Variants in CNIH3 observed in about 807,000 individuals in gnomAD.
CNIH3 encodes protein cornichon homolog 3.
In CNIH3, 14 loss-of-function variants were observed where a neutral mutation model predicts 24.1. That is an observed-to-expected ratio of 0.58 (90% CI 0.38 to 0.91). The LOEUF (loss-of-function observed/expected upper bound fraction) is 0.91. Ranked by LOEUF, CNIH3 falls within the 40% of genes least tolerant of loss-of-function variation. The pLI is 0.00. For synonymous variants in CNIH3, 68 were observed against 73.8 expected (o/e 0.92, Z 0.40); for missense variants, 178 against 196.8 (o/e 0.90, Z 0.57).
At chr1:224,482,982 G>C (rs1459661668) in intron 1 of CNIH3, among the ~76,000 whole-genome samples, 1 of 152,066 alleles carries the variant, frequency 6.6e-6, no homozygotes, top group Non-Finnish European at 1.5e-5. Flanking sequence ...TTGGGCCCTG[G>C]CTGAGTTCTG....
chr1:224,495,195 T>C (rs531978101), intron 1 of CNIH3, among the ~76,000 whole-genome samples: 2 of 152,174 alleles, frequency 1.3e-5, no homozygotes, highest in African/African-American at 2.4e-5. Context: ...AGCCTCCTCA[T>C]GTAAGGACTT....
chr1:224,593,291 A>T (rs1418213814), downstream of CNIH3, among the ~76,000 whole-genome samples: 2 of 151,994 alleles, frequency 1.3e-5, no homozygotes, highest in Admixed American at 6.6e-5. Context: ...AATAGCTGGG[A>T]CCACAGGCAT....
chr1:224,472,962 G>C (rs1285482472), intron 1 of CNIH3, among the ~76,000 whole-genome samples: 2 of 152,116 alleles, frequency 1.3e-5, no homozygotes, highest in African/African-American at 2.4e-5. Context: ...CAAGGAAACT[G>C]TCTTTGCTGG....
At chr1:224,594,481 G>A (rs1432447285) in intron 3 of CNIH3, among the ~76,000 whole-genome samples, 1 of 152,202 alleles carries the variant, frequency 6.6e-6, no homozygotes, top group Non-Finnish European at 1.5e-5. Context: ...CATGGGGCAG[G>A]CTCTGGAAAA....
intron 1 of CNIH3, among the ~76,000 whole-genome samples, chr1:224,517,394 C>T (rs372791925): frequency 9.9e-5 from 15 of 152,168 alleles, no homozygotes; most frequent in African/African-American, 3.4e-4. Context: ...ACAGGGTTTA[C>T]TCACCCGCCT....
intron 4 of CNIH3, among the ~76,000 whole-genome samples, chr1:224,573,924 A>T (rs564165110): frequency 2.6e-4 from 40 of 151,780 alleles, no homozygotes; most frequent in Admixed American, 1.1e-3. Context: ...ATGTTCTTTT[A>T]AAAAAAAGCA....
intron 1 of CNIH3, among the ~76,000 whole-genome samples, chr1:224,469,230 G>A (rs1318883663): frequency 6.6e-6 from 1 of 152,012 alleles, no homozygotes; most frequent in Non-Finnish European, 1.5e-5. Context: ...TCAGGTGCAT[G>A]CCACCATGCC....
intron 3 of CNIH3, among the ~76,000 whole-genome samples, chr1:224,685,477 G>T (rs1686610571): frequency 6.6e-6 from 1 of 152,178 alleles, no homozygotes; most frequent in African/African-American, 2.4e-5. Context: ...GGGGGCCCCT[G>T]TGTCTCTTTC....
intron 1 of CNIH3, among the ~76,000 whole-genome samples, chr1:224,648,631 G>A (rs913665150): frequency 2.6e-5 from 4 of 152,114 alleles, no homozygotes; most frequent in Admixed American, 1.3e-4. Flanking sequence ...ATATTGAGGC[G>A]AGGTTAGAGA....
At chr1:224,712,294 A>G (rs1688197896) in intron 3 of CNIH3, among the ~76,000 whole-genome samples, 1 of 152,132 alleles carries the variant, frequency 6.6e-6, no homozygotes, top group South Asian at 2.1e-4. Context: ...GGGAATTTGC[A>G]TTTTTATTAA....
chr1:224,574,031 G>T (rs1346871535), intron 4 of CNIH3, among the ~76,000 whole-genome samples: 1 of 152,086 alleles, frequency 6.6e-6, no homozygotes, highest in East Asian at 1.9e-4. Context: ...CCAAGGTGTT[G>T]GGATTACACA....
At position 224,524,470 on chromosome 1, in the gene CNIH3, C is replaced by A. The variant is rs181162820; in HGVS notation, n.343+3143C>A. On this transcript the variant is annotated intron_variant and non_coding_transcript_variant, in intron 2 of 2. Coordinates refer to the CNIH3 transcript ENST00000470602. ...ATCCTTTAGCCTCTAGGGTATCAAA[C>A]TATGAATTGCTATATACAGATCACC... 2.7e-3 allele frequency among the ~76,000 whole-genome samples: 408 copies of A among 152,288 alleles called. 2 individuals carry two copies. The highest frequency in any genetic ancestry group is 8.9e-3 in the African/African-American group (370 of 41,554).
chr1:224,456,962 C>T (rs948754538), intron 1 of CNIH3, among the ~76,000 whole-genome samples: 2 of 152,188 alleles, frequency 1.3e-5, no homozygotes, highest in Non-Finnish European at 2.9e-5. Context: ...GGTGCCAGGG[C>T]GTGGGAGCAG....
chr1:224,693,931 G>A (rs1483623581), intron 3 of CNIH3, among the ~76,000 whole-genome samples: 1 of 152,270 alleles, frequency 6.6e-6, no homozygotes, highest in Non-Finnish European at 1.5e-5. Flanking sequence ...CGAGGGTCTA[G>A]TCATCTGTAT....
chr1:224,566,589 A>G (rs1294677296), intron 4 of CNIH3, among the ~76,000 whole-genome samples: 2 of 151,238 alleles, frequency 1.3e-5, no homozygotes, highest in East Asian at 1.9e-4. Flanking sequence ...TTCTTCCTCA[A>G]CTCCCACTTA....
intron 4 of CNIH3, among the ~76,000 whole-genome samples, chr1:224,731,568 C>T (rs2125242993): frequency 6.6e-6 from 1 of 152,312 alleles, no homozygotes; most frequent in East Asian, 1.9e-4. Context: ...TTTAGCCACA[C>T]CTAAGACATG....
intron 3 of CNIH3, among the ~76,000 whole-genome samples, chr1:224,548,369 G>A (rs984001537): frequency 2.0e-5 from 3 of 151,698 alleles, no homozygotes; most frequent in Non-Finnish European, 4.4e-5. Flanking sequence ...GATATGATTA[G>A]TAATATTTAA....
At chr1:224,709,590 A>G (rs576728489) in intron 3 of CNIH3, among the ~76,000 whole-genome samples, 2 of 152,236 alleles carry the variant, frequency 1.3e-5, no homozygotes, top group Non-Finnish European at 2.9e-5. Context: ...ACCTGACCAC[A>G]TAAACCTACC....
At chr1:224,579,322 A>G (rs1019711888) in intron 4 of CNIH3, among the ~76,000 whole-genome samples, 8 of 152,102 alleles carry the variant, frequency 5.3e-5, no homozygotes, top group Non-Finnish European at 8.8e-5. Flanking sequence ...GTCTCAGCCC[A>G]TTGTATTTGA....
Sources: gnomAD v4.1 joint callset for allele counts (sites outside exome capture counted in the v4.1 genomes callset) on GRCh38, gnomAD v4.1.1 for gene constraint, MANE v1.5 for transcripts, NCBI Gene and HGNC (gene_info 2026-07-23, HGNC 2026-07-21) for gene names.